The following NEK11 variants were observed in gnomAD, a reference collection of about 807,000 sequenced individuals.
The protein encoded by NEK11 is serine/threonine-protein kinase Nek11.
In NEK11, 72 loss-of-function variants were observed where a neutral mutation model predicts 80.7. The observed-to-expected ratio is 0.89, with a 90% confidence interval of 0.74 to 1.08. NEK11 has a LOEUF of 1.08. NEK11 is among the 50% of genes least tolerant of loss of function. The pLI, the probability that NEK11 is intolerant of heterozygous loss-of-function variation, is 0.00. For missense variants in NEK11, 764 were observed against 763.6 expected, an observed-to-expected ratio of 1.00 and a Z score of -0.01; for synonymous variants, 251 against 260.7, an observed-to-expected ratio of 0.96 and a Z score of 0.36.
intron 15 of NEK11, among the ~76,000 whole-genome samples, chr3:131,237,378 G>T (rs1244026521): frequency 1.3e-5 from 2 of 152,060 alleles, no homozygotes; most frequent in African/African-American, 4.8e-5. Context: ...GTTACTTTTT[G>T]GGTCATTCAT....
At chr3:131,151,448 G>A (rs571357034) in intron 7 of NEK11, among the ~76,000 whole-genome samples, 8 of 152,070 alleles carry the variant, frequency 5.3e-5, no homozygotes, top group Non-Finnish European at 5.9e-5. Flanking sequence ...CCACAAAATA[G>A]TTCAATGGTA....
In NEK11 at chr3:131,176,672, GCTGT is replaced by G. The variant is rs367904357; in HGVS notation, c.1399+5788_1399+5791del. Among the ~76,000 whole-genome samples the G allele has an allele frequency of 1.4e-3, 215 of 152,264 alleles. 1 individual carries two copies. Among genetic ancestry groups the G allele is most frequent in the African/African-American group, 5.0e-3 (206 of 41,554 alleles). ...TCCAATTTGAAAAATTAAGCTGGGTGCTGTCTAACACCTGCCCAACAAGCCACTT... is the reference window on the plus strand; with the variant it reads ...TCCAATTTGAAAAATTAAGCTGGGTGCTAACACCTGCCCAACAAGCCACTT... On this transcript the variant is annotated intron_variant, in intron 14 of 17. Coordinates refer to ENST00000383366, the MANE Select transcript of NEK11 (RefSeq NM_024800.5).
chr3:131,252,015 T>C (rs1252480635), intron 16 of NEK11, among the ~76,000 whole-genome samples: 1 of 152,132 alleles, frequency 6.6e-6, no homozygotes, highest in Non-Finnish European at 1.5e-5. Flanking sequence ...TCCCATCACA[T>C]AGTCTTATAA....
intron 4 of NEK11, among the ~76,000 whole-genome samples, chr3:131,089,482 A>G (rs2076434019): frequency 6.6e-6 from 1 of 152,158 alleles, no homozygotes; most frequent in Admixed American, 6.5e-5. Context: ...TCTATTGCCC[A>G]GTCTTGAGGG....
chr3:131,322,384 A>G (rs1456087642), intron 17 of NEK11, among the ~76,000 whole-genome samples: 1 of 152,158 alleles, frequency 6.6e-6, no homozygotes, highest in African/African-American at 2.4e-5. Context: ...AAACCTCAGC[A>G]TCACACAATA....
intron 3 of NEK11, among the ~76,000 whole-genome samples, chr3:131,057,912 T>G (rs1216856812): frequency 6.6e-6 from 1 of 152,238 alleles, no homozygotes; most frequent in Non-Finnish European, 1.5e-5. Context: ...ATTTGTCAAT[T>G]TTGGCTTTTG....
chr3:131,205,594 G>T (rs932457261), intron 14 of NEK11, among the ~76,000 whole-genome samples: 2 of 152,116 alleles, frequency 1.3e-5, no homozygotes, highest in Non-Finnish European at 2.9e-5. Context: ...AGCCAGAAGG[G>T]CCTGGGAATA....
At chr3:131,121,924 T>C (rs997565565) in intron 5 of NEK11, among the ~76,000 whole-genome samples, 1 of 152,206 alleles carries the variant, frequency 6.6e-6, no homozygotes, top group African/African-American at 2.4e-5. Flanking sequence ...CCCTGACCCC[T>C]TGCACTTCCC....
intron 4 of NEK11, among the ~76,000 whole-genome samples, chr3:131,080,970 C>T (rs2075169481): frequency 1.3e-5 from 2 of 151,710 alleles, no homozygotes; most frequent in South Asian, 4.2e-4. Context: ...ATTAGCCGGG[C>T]GTGGTTGTAT....
intron 4 of NEK11, among the ~76,000 whole-genome samples, chr3:131,094,427 A>G (rs2077148541): frequency 6.6e-6 from 1 of 152,116 alleles, no homozygotes; most frequent in Non-Finnish European, 1.5e-5. Context: ...TAAGGGGTCA[A>G]TCTGTGTTTT....
chr3:131,281,359 T>C (rs1262801615), intron 17 of NEK11, among the ~76,000 whole-genome samples: 3 of 152,218 alleles, frequency 2.0e-5, no homozygotes, highest in Non-Finnish European at 4.4e-5. Flanking sequence ...CTTAAGAAAT[T>C]GGTAACATAT....
chr3:131,280,608 T>A (rs1269136596), intron 17 of NEK11, among the ~76,000 whole-genome samples: 1 of 152,162 alleles, frequency 6.6e-6, no homozygotes, highest in Non-Finnish European at 1.5e-5. Context: ...TTGGTTTGAG[T>A]CTTTTTGTTA....
rs757874853 is a variant in NEK11, at chr3:131,165,405, A to G, written c.1083-21A>G. On this transcript the variant is annotated intron_variant, in intron 11 of 17. Coordinates refer to ENST00000383366, the MANE Select transcript of NEK11 (RefSeq NM_024800.5). ...TTTAGCAATTCGCAGTTATTTTTCT[A>G]CATTCACTTTAAATTTACAGAAAGA... 7.0e-6 allele frequency: 10 copies of G among 1,436,368 alleles called. No individual in the cohort carries two copies. The East Asian group carries it at 2.1e-4, about 29-fold the overall frequency. The allele number at this position is 1,436,368 out of a possible 1,614,324, so 89.0% of individuals were successfully genotyped here. A position where few individuals can be genotyped will look rare whatever the true frequency, so the allele number is the denominator to read the frequency against.
intron 14 of NEK11, among the ~76,000 whole-genome samples, chr3:131,178,530 A>G (rs1169847571): frequency 6.6e-6 from 1 of 152,194 alleles, no homozygotes; most frequent in Non-Finnish European, 1.5e-5. Flanking sequence ...ACGAACACAC[A>G]TATTAGCCTA....
intron 3 of NEK11, among the ~76,000 whole-genome samples, chr3:131,045,834 C>A (rs2067296772): frequency 6.6e-6 from 1 of 152,044 alleles, no homozygotes; most frequent in African/African-American, 2.4e-5. Context: ...TCCTTTTGGA[C>A]AAGTTTTTTT....
chr3:131,088,226 G>A (rs1480911772), intron 4 of NEK11: 5 of 152,124 alleles, frequency 3.3e-5, no homozygotes, highest in African/African-American at 7.2e-5. Context: ...TAAATAATAC[G>A]AGTGTCTAAT....
At chr3:131,223,316 G>A (rs1431728528) in intron 14 of NEK11, among the ~76,000 whole-genome samples, 1 of 152,112 alleles carries the variant, frequency 6.6e-6, no homozygotes, top group Non-Finnish European at 1.5e-5. Context: ...GCTTACTTAA[G>A]AAATACTGGA....
chr3:131,276,393 A>T (rs1244055823), intron 17 of NEK11, among the ~76,000 whole-genome samples: 1 of 152,092 alleles, frequency 6.6e-6, no homozygotes, highest in East Asian at 1.9e-4. Context: ...CCCCATTGGG[A>T]GTTCTGGGGC....
chr3:131,069,674 G>A (rs367745612), intron 3 of NEK11, among the ~76,000 whole-genome samples: 5 of 151,634 alleles, frequency 3.3e-5, no homozygotes, highest in Admixed American at 6.6e-5. Context: ...CACGTCCTTT[G>A]TAGGGACATG....
Sources: allele counts gnomAD v4.1 joint callset (sites outside exome capture counted in the v4.1 genomes callset), GRCh38; gene constraint gnomAD v4.1.1; transcripts MANE v1.5; gene names NCBI Gene and HGNC (gene_info 2026-07-23, HGNC 2026-07-21).